ST8SIA4: variants seen among roughly 807,000 people sequenced by gnomAD.
The protein encoded by ST8SIA4 is CMP-N-acetylneuraminate-poly-alpha-2,8-sialyltransferase.
In ST8SIA4, 15 loss-of-function variants were observed where a neutral mutation model predicts 33.9. The ratio of observed to expected loss-of-function variants is 0.44; its 90% confidence interval spans 0.30 to 0.68. ST8SIA4 has a LOEUF of 0.68. ST8SIA4 is among the 30% of genes least tolerant of loss of function. The pLI is 0.10. For synonymous variants in ST8SIA4, 171 were observed against 151.2 expected (o/e 1.13, Z -0.96); for missense variants, 321 against 428.0 (o/e 0.75, Z 2.21).
intron 4 of ST8SIA4, among the ~76,000 whole-genome samples, chr5:100,842,603 A>G (rs1302565631): frequency 1.3e-5 from 2 of 151,844 alleles, no homozygotes; most frequent in South Asian, 2.1e-4. Context: ...AGCAGTATTG[A>G]GAAACATATA....
At chr5:100,816,639 A>G in intron 4 of ST8SIA4, 1 of 501,712 alleles carries the variant, frequency 2.0e-6, no homozygotes, top group South Asian at 1.5e-5. Context: ...AAGAATTTGA[A>G]TATCAAGGAT....
chr5:100,880,669 G>T (rs1231653659), intron 3 of ST8SIA4, among the ~76,000 whole-genome samples: 1 of 152,198 alleles, frequency 6.6e-6, no homozygotes, highest in East Asian at 1.9e-4. Flanking sequence ...CTATTGTAGA[G>T]TTCTAATCAA....
intron 2 of ST8SIA4, among the ~76,000 whole-genome samples, chr5:100,889,847 A>T (rs1752621257): frequency 1.3e-5 from 2 of 151,920 alleles, no homozygotes; most frequent in South Asian, 4.1e-4. Flanking sequence ...TATTTTTTCA[A>T]CTGAAGCAGT....
At chr5:100,814,997 T>C (rs1750885748) in intron 4 of ST8SIA4, among the ~76,000 whole-genome samples, 1 of 151,914 alleles carries the variant, frequency 6.6e-6, no homozygotes, top group African/African-American at 2.4e-5. Context: ...TTAGGAAAAA[T>C]ATTAAATTGA....
intron 3 of ST8SIA4, among the ~76,000 whole-genome samples, chr5:100,871,154 A>T (rs1443150688): frequency 6.6e-6 from 1 of 152,076 alleles, no homozygotes; most frequent in East Asian, 1.9e-4. Context: ...AACATGTAGA[A>T]AAATAAGATA....
intron 3 of ST8SIA4, among the ~76,000 whole-genome samples, chr5:100,871,683 T>C (rs1047137911): frequency 2.0e-5 from 3 of 152,088 alleles, no homozygotes; most frequent in Non-Finnish European, 2.9e-5. Flanking sequence ...GAAAATGCAG[T>C]GCCAATTTTA....
chr5:100,838,755 C>T (rs902804900), intron 4 of ST8SIA4, among the ~76,000 whole-genome samples: 2 of 151,994 alleles, frequency 1.3e-5, no homozygotes, highest in Non-Finnish European at 2.9e-5. Context: ...AAGTCATCAA[C>T]ACTGTAGATG....
chr5:100,812,010 T>A lies in ST8SIA4; in HGVS notation c.917A>T (p.Asp306Val). The A allele has an allele frequency of 6.2e-7, 1 of 1,614,128 alleles. No individual in the cohort carries two copies. Among genetic ancestry groups the A allele is most frequent in the Non-Finnish European group, 8.5e-7 (1 of 1,180,008 alleles). The change falls in exon 5 of 5, where the codon GAT (aspartate) becomes GTT (valine). Residue 306 changes from aspartate to valine, a missense_variant. Physicochemically the swap from Asp to Val is radical, Grantham distance 152. Transcript: ENST00000231461. ...ATATTTGACCGCTTTTCCATTTAAA[T>A]CCTTAGGGAAGGGCCAGAATCCATA... The part of the protein sequence containing the change: ...HLYGFWPFPK[D>V]LNGKAVKYHY...
rs574525389 is a variant in ST8SIA4, at chr5:100,880,955, A to G, written c.503+5388T>C. Among the ~76,000 whole-genome samples the G allele has an allele frequency of 5.3e-5, 8 of 152,336 alleles. No individual in the cohort carries two copies. In the East Asian group the frequency reaches 1.5e-3, roughly 29 times the overall value. On this transcript the variant is annotated intron_variant, in intron 3 of 4. Transcript: ENST00000231461. ...TAGTTATCTGAGTTAGATATACATA[A>G]AACACATATATCTACATTCACTAAA...
intron 4 of ST8SIA4, among the ~76,000 whole-genome samples, chr5:100,842,810 T>C (rs1156871024): frequency 6.6e-6 from 1 of 151,900 alleles, no homozygotes; most frequent in Admixed American, 6.6e-5. Context: ...AGTTAGTTTC[T>C]ATTAGATCAA....
chr5:100,846,716 A>G (rs1178814821), intron 4 of ST8SIA4, among the ~76,000 whole-genome samples: 1 of 152,062 alleles, frequency 6.6e-6, no homozygotes. Flanking sequence ...CAGGGGTGCT[A>G]TGAAAGCTTA....
intron 3 of ST8SIA4, chr5:100,885,258 T>C (rs1561405709): frequency 1.5e-6 from 1 of 688,238 alleles, no homozygotes; most frequent in Non-Finnish European, 1.8e-6. Context: ...AAAAGCTAAA[T>C]TGATTTCACA....
intron 2 of ST8SIA4, among the ~76,000 whole-genome samples, chr5:100,892,939 C>G (rs1222699914): frequency 6.6e-6 from 1 of 151,950 alleles, no homozygotes; most frequent in Non-Finnish European, 1.5e-5. Context: ...ACCACCATGG[C>G]ACATATGTAC....
Position 100,851,964 on chromosome 5 carries a change from G to T in ST8SIA4, c.797+4139C>A, listed in dbSNP as rs191779396. Among the ~76,000 whole-genome samples the T allele has an allele frequency of 5.9e-5, 9 of 151,652 alleles. No homozygotes were observed. The East Asian group carries it at 1.7e-3, about 29-fold the overall frequency. On this transcript the variant is annotated intron_variant, in intron 4 of 4. Coordinates refer to ENST00000231461, the MANE Select transcript of ST8SIA4 (RefSeq NM_005668.6). ...ATAAAACTGTCATTAATTTAAACAG[G>T]TTATTAAGATATTAAGTTGTATATT...
chr5:100,884,602 C>T (rs530933914), intron 3 of ST8SIA4, among the ~76,000 whole-genome samples: 1 of 152,240 alleles, frequency 6.6e-6, no homozygotes, highest in South Asian at 2.1e-4. Context: ...AGGTTGGCCA[C>T]CAGCCACTCT....
chr5:100,895,995 A>T (rs940379495), intron 1 of ST8SIA4, among the ~76,000 whole-genome samples: 6 of 152,104 alleles, frequency 3.9e-5, no homozygotes, highest in Admixed American at 2.0e-4. Flanking sequence ...ATATTTTTGA[A>T]ATTAAACAAT....
intron 3 of ST8SIA4, among the ~76,000 whole-genome samples, chr5:100,862,701 C>G (rs1751974700): frequency 6.6e-6 from 1 of 152,112 alleles, no homozygotes; most frequent in East Asian, 1.9e-4. Context: ...CGCACCTGGC[C>G]GAATACCTTT....
chr5:100,902,184 T>G (rs1375277861), intron 1 of ST8SIA4, among the ~76,000 whole-genome samples: 1 of 152,206 alleles, frequency 6.6e-6, no homozygotes, highest in Non-Finnish European at 1.5e-5. Flanking sequence ...TGAACTCATC[T>G]AGACAAACTA....
At chr5:100,850,348 T>C (rs575306093) in intron 4 of ST8SIA4, among the ~76,000 whole-genome samples, 31 of 152,040 alleles carry the variant, frequency 2.0e-4, no homozygotes, top group Non-Finnish European at 3.7e-4. Context: ...AATGAGAGCA[T>C]AACCTCCATT....
Sources: allele counts gnomAD v4.1 joint callset (sites outside exome capture counted in the v4.1 genomes callset), GRCh38; gene constraint gnomAD v4.1.1; transcripts MANE v1.5; gene names NCBI Gene and HGNC (gene_info 2026-07-23, HGNC 2026-07-21).